Variants in ETFA observed in about 807,000 individuals in gnomAD.
ETFA encodes the protein electron transfer flavoprotein subunit alpha, mitochondrial.
A neutral mutation model predicts 46.2 loss-of-function variants in ETFA; 22 were observed. That is an observed-to-expected ratio of 0.48 (90% CI 0.34 to 0.68). ETFA has a LOEUF of 0.68. ETFA is among the 30% of genes least tolerant of loss of function. The pLI, the probability that ETFA is intolerant of heterozygous loss-of-function variation, is 0.01. For synonymous variants in ETFA, 131 were observed against 139.9 expected, an observed-to-expected ratio of 0.94 and a Z score of 0.45; for missense variants, 345 against 401.1, an observed-to-expected ratio of 0.86 and a Z score of 1.19.
In ETFA at chr15:76,225,788, T is replaced by C. The variant is rs2038998285; in HGVS notation, c.963+61A>G. On this transcript the variant is annotated intron_variant, in intron 11 of 11. Coordinates refer to ENST00000557943, the MANE Select transcript of ETFA (RefSeq NM_000126.4). ...CTTTTAATAGCTTCATCCCTAACCA[T>C]TTCTGAGAGTTTCTCGGATGACAAT... 3 of 1,037,442 alleles carry C rather than the reference T, an allele frequency of 2.9e-6. No individual in the cohort carries two copies. In the Admixed American group the frequency reaches 5.1e-5, roughly 18 times the overall value. The allele number at this position is 1,037,442 out of a possible 1,614,324, so 64.3% of individuals were successfully genotyped here. A position where few individuals can be genotyped will look rare whatever the true frequency, so the allele number is the denominator to read the frequency against.
chr15:76,268,741 C>T (rs1760998185), intron 9 of ETFA, among the ~76,000 whole-genome samples: 1 of 152,146 alleles, frequency 6.6e-6, no homozygotes, highest in Admixed American at 6.5e-5. Flanking sequence ...ATGTAAGAGG[C>T]ATTCAAACCA....
At position 76,254,431 on chromosome 15, in the gene ETFA, C is replaced by CA. The variant is rs372551253; in HGVS notation, c.816+19980dup. On this transcript the variant is annotated intron_variant, in intron 9 of 11. Transcript: ENST00000557943. ...GCCAAGTTAACTGCCTGCTAAAACACAAAGTTAATATTCTTAATAGGAATA... is the reference window on the plus strand; with the variant it reads ...GCCAAGTTAACTGCCTGCTAAAACACAAAAGTTAATATTCTTAATAGGAATA... 2.3e-3 allele frequency among the ~76,000 whole-genome samples: 357 copies of CA among 152,280 alleles called. 2 individuals are homozygous for CA. The highest frequency in any genetic ancestry group is 8.1e-3 in the African/African-American group (338 of 41,562).
chr15:76,238,340 A>G (rs1248114065), intron 9 of ETFA, among the ~76,000 whole-genome samples: 1 of 152,218 alleles, frequency 6.6e-6, no homozygotes, highest in Admixed American at 6.5e-5. Flanking sequence ...CTTTTCTGCC[A>G]AAAGTGTTCC....
At chr15:76,233,617 G>A (rs989094863) in intron 9 of ETFA, among the ~76,000 whole-genome samples, 28 of 152,026 alleles carry the variant, frequency 1.8e-4, no homozygotes, top group African/African-American at 5.1e-4. Context: ...CATGAGCCAC[G>A]GCGCCCAGCC....
chr15:76,260,942 C>T (rs113276005), intron 9 of ETFA: 330,423 of 1,588,378 alleles, frequency 0.21, 61 homozygotes, highest in Middle Eastern at 0.24. Flanking sequence ...TACAGGACTG[C>T]AGCAGGGCTC....
intron 9 of ETFA, among the ~76,000 whole-genome samples, chr15:76,265,598 G>A (rs1043210840): frequency 3.3e-4 from 51 of 152,268 alleles, no homozygotes; most frequent in South Asian, 1.0e-3. Flanking sequence ...TATCGTTGGC[G>A]TAGGGACTGC....
At chr15:76,227,668 A>G (rs1188979151) in intron 10 of ETFA, 1 of 377,214 alleles carries the variant, frequency 2.7e-6, no homozygotes, top group Non-Finnish European at 5.2e-6. Flanking sequence ...ATTGTGGACT[A>G]AAAATAATTC....
At chr15:76,270,090 G>A (rs1040139468) in intron 9 of ETFA, among the ~76,000 whole-genome samples, 4 of 152,174 alleles carry the variant, frequency 2.6e-5, no homozygotes, top group African/African-American at 7.2e-5. Context: ...TGGTGAAAAT[G>A]AGGAGCAACT....
chr15:76,307,348 A>G (rs1171594471), intron 1 of ETFA, among the ~76,000 whole-genome samples: 1 of 152,202 alleles, frequency 6.6e-6, no homozygotes, highest in East Asian at 1.9e-4. Context: ...CCACACACAT[A>G]AGGATGAAAG....
chr15:76,227,392 C>G (rs2039014542), intron 10 of ETFA, among the ~76,000 whole-genome samples: 1 of 151,554 alleles, frequency 6.6e-6, no homozygotes, highest in Non-Finnish European at 1.5e-5. Flanking sequence ...TGGTGCGCAC[C>G]TGTACTCCCA....
chr15:76,289,245 CTTAATCTGGTTT>C (rs1180284047), intron 4 of ETFA, among the ~76,000 whole-genome samples: 3 of 152,084 alleles, frequency 2.0e-5, no homozygotes, highest in African/African-American at 7.2e-5. Flanking sequence ...GAAGCACCTA[CTTAATCTGGTTT>C]AAAAACCAGA....
At chr15:76,274,387 C>T (rs1401066486) in intron 9 of ETFA, 25 bp downstream of exon 9, 5 of 1,527,728 alleles carry the variant, frequency 3.3e-6, no homozygotes, top group Non-Finnish European at 4.5e-6. Flanking sequence ...ACATTTTACA[C>T]AGCATATTTT....
rs1465826307 is a variant in ETFA at position 76,296,786 on chromosome 15, G to GA, written c.40-1050dup. Among the ~76,000 whole-genome samples, 5 of 152,242 alleles carry GA rather than the reference G, an allele frequency of 3.3e-5. No homozygotes were observed. The East Asian group carries it at 9.6e-4, about 29-fold the overall frequency. On this transcript the variant is annotated intron_variant, in intron 1 of 11. Coordinates refer to ENST00000557943, the MANE Select transcript of ETFA (RefSeq NM_000126.4). Reference sequence around the variant, plus strand: ...ACACAAGGAACACAAAGATGAACAAGAATGGTCCCTGTATATTTCACAGGA... The same window carrying GA: ...ACACAAGGAACACAAAGATGAACAAGAAATGGTCCCTGTATATTTCACAGGA...
At chr15:76,311,101 G>A (rs1055534657) in intron 1 of ETFA, among the ~76,000 whole-genome samples, 1 of 152,212 alleles carries the variant, frequency 6.6e-6, no homozygotes, top group Admixed American at 6.5e-5. Context: ...AGAAGGGGCA[G>A]CAGACGCGCA....
rs1286387448 is a variant in ETFA, at chr15:76,216,003, T to C, written c.*556A>G. The C allele has an allele frequency of 1.3e-5, 2 of 152,544 alleles. No homozygotes were observed. Among genetic ancestry groups the C allele is most frequent in the African/African-American group, 4.8e-5 (2 of 41,464 alleles). 9.4% of individuals were successfully genotyped at this position (152,544 alleles called of 1,614,324 possible). A position where few individuals can be genotyped will look rare whatever the true frequency, so the allele number is the denominator to read the frequency against. The stretch of plus-strand genomic sequence containing the variant: ...GGTCAGGTTTAAGTCAGGTCTGCTT[T>C]TGTCACATTAGCTATGGTCTTCTGA... On this transcript the variant is annotated 3_prime_UTR_variant, in exon 12 of 12. Transcript: ENST00000557943.
intron 9 of ETFA, among the ~76,000 whole-genome samples, chr15:76,244,213 T>C (rs1209550243): frequency 1.3e-5 from 2 of 152,236 alleles, no homozygotes; most frequent in East Asian, 1.9e-4. Context: ...GAGAAAGCTA[T>C]CTGAGTTGTG....
intron 9 of ETFA, among the ~76,000 whole-genome samples, chr15:76,237,568 T>C (rs1258908089): frequency 6.6e-6 from 1 of 152,184 alleles, no homozygotes; most frequent in Non-Finnish European, 1.5e-5. Flanking sequence ...ATTCAATCTC[T>C]CAAAGGCTCA....
intron 9 of ETFA, among the ~76,000 whole-genome samples, chr15:76,263,488 A>T (rs1567208102): frequency 6.6e-6 from 1 of 152,248 alleles, no homozygotes; most frequent in African/African-American, 2.4e-5. Flanking sequence ...ATGAAGTTAA[A>T]GCAAACATTT....
At chr15:76,255,034 TG>T (rs1789480356) in intron 9 of ETFA, among the ~76,000 whole-genome samples, 1 of 152,178 alleles carries the variant, frequency 6.6e-6, no homozygotes, top group Non-Finnish European at 1.5e-5. Context: ...TATTCTATTT[TG>T]ATAATATTTA....
Sources: gnomAD v4.1 joint callset for allele counts (sites outside exome capture counted in the v4.1 genomes callset) on GRCh38, gnomAD v4.1.1 for gene constraint, MANE v1.5 for transcripts, NCBI Gene and HGNC (gene_info 2026-07-23, HGNC 2026-07-21) for gene names.